The following CACHD1 variants were observed in gnomAD, a reference collection of about 807,000 sequenced individuals.
CACHD1 encodes VWFA and cache domain-containing protein 1.
CACHD1 carries 71 observed loss-of-function variants against 138.7 expected under a neutral mutation model. That is an observed-to-expected ratio of 0.51 (90% CI 0.42 to 0.62). The LOEUF (loss-of-function observed/expected upper bound fraction) is 0.62, where lower values mean the gene tolerates loss of function less well. Among genes scored for constraint, CACHD1 ranks in the 20% least tolerant of loss-of-function variants. CACHD1 has a pLI of 0.00. For missense variants in CACHD1, 1,389 were observed against 1,625.3 expected, an observed-to-expected ratio of 0.85 and a Z score of 2.50; for synonymous variants, 578 against 591.5, an observed-to-expected ratio of 0.98 and a Z score of 0.33.
intron 2 of CACHD1, among the ~76,000 whole-genome samples, chr1:64,570,169 A>G (rs1230136996): frequency 6.6e-6 from 1 of 152,184 alleles, no homozygotes; most frequent in Non-Finnish European, 1.5e-5. Context: ...CATCCCTAAC[A>G]TATCCCATGG....
chr1:64,615,831 A>G (rs1408314868), intron 4 of CACHD1, among the ~76,000 whole-genome samples: 1 of 152,152 alleles, frequency 6.6e-6, no homozygotes, highest in Non-Finnish European at 1.5e-5. Context: ...ACCATCTATG[A>G]TGAGCCCAGA....
intron 2 of CACHD1, 112 bp from the exon 3 acceptor site, chr1:64,582,044 C>T: frequency 8.0e-7 from 1 of 1,249,882 alleles, no homozygotes; most frequent in Non-Finnish European, 1.1e-6. Flanking sequence ...GTTTGTTTTA[C>T]TTGAATTTTA....
At chr1:64,654,611 G>T in intron 11 of CACHD1, 75 bp from the exon 12 acceptor site, 3 of 1,078,456 alleles carry the variant, frequency 2.8e-6, no homozygotes. Context: ...TGACTCAACA[G>T]CTTCTTCCTT....
At chr1:64,660,720 G>A (rs2100696881) in intron 13 of CACHD1, among the ~76,000 whole-genome samples, 1 of 151,990 alleles carries the variant, frequency 6.6e-6, no homozygotes, top group South Asian at 2.1e-4. Flanking sequence ...TAGTAAAGAT[G>A]GAGTTTCACC....
intron 3 of CACHD1, among the ~76,000 whole-genome samples, chr1:64,591,205 C>T (rs938324044): frequency 5.3e-5 from 8 of 152,134 alleles, no homozygotes; most frequent in African/African-American, 1.9e-4. Context: ...CTCACTCATC[C>T]ATTCGTTTGA....
intron 11 of CACHD1, 30 bp downstream of exon 11, chr1:64,653,911 T>C (rs1296730878): frequency 6.2e-7 from 1 of 1,603,590 alleles, no homozygotes; most frequent in Non-Finnish European, 8.5e-7. Context: ...CATAGGATTG[T>C]TTTTCCCTGA....
chr1:64,501,400 T>A (rs1646338729), intron 1 of CACHD1, among the ~76,000 whole-genome samples: 1 of 152,236 alleles, frequency 6.6e-6, no homozygotes, highest in African/African-American at 2.4e-5. Context: ...TAAAACCAAC[T>A]TCACTCATCA....
Position 64,486,389 on chromosome 1 carries a change from CACAT to C in CACHD1, c.198+15451_198+15454del, listed in dbSNP as rs758530974. Among the ~76,000 whole-genome samples the C allele has an allele frequency of 3.2e-4, 47 of 145,672 alleles. 1 individual carries two copies. The Middle Eastern group carries it at 0.011, about 33-fold the overall frequency. On this transcript the variant is annotated intron_variant, in intron 1 of 26. Coordinates refer to ENST00000651257, the MANE Select transcript of CACHD1 (RefSeq NM_020925.4). ...ACACATACACACACACACACACACA[CACAT>C]ACACATACACACACACACATACACA... is the stretch of plus-strand genomic sequence containing the variant.
chr1:64,576,512 C>T (rs1445904745), intron 2 of CACHD1, among the ~76,000 whole-genome samples: 2 of 151,350 alleles, frequency 1.3e-5, no homozygotes, highest in Admixed American at 6.6e-5. Flanking sequence ...AAAAAAGACG[C>T]GATAGTGGAG....
intron 11 of CACHD1, 146 bp from the exon 12 acceptor site, chr1:64,654,540 C>T: frequency 1.6e-6 from 1 of 626,002 alleles, no homozygotes; most frequent in South Asian, 2.0e-5. Context: ...AATTGAAAAT[C>T]TCACATTATC....
rs150937981 is a variant in CACHD1, at chr1:64,636,031, A to G, written c.1006+1771A>G. ...GAGGCTGAGGCAGGAGAATTGCTTG[A>G]ACCCGGGAAGTGGAGGTTGCAGTGA... On this transcript the variant is annotated intron_variant, in intron 7 of 26. Transcript: ENST00000651257. Among the ~76,000 whole-genome samples the G allele has an allele frequency of 4.3e-3, 655 of 151,896 alleles. 2 individuals carry two copies. Among genetic ancestry groups the G allele is most frequent in the African/African-American group, 0.015 (634 of 41,436 alleles).
At chr1:64,570,978 G>A (rs554927133) in intron 2 of CACHD1, among the ~76,000 whole-genome samples, 1 of 152,044 alleles carries the variant, frequency 6.6e-6, no homozygotes, top group Non-Finnish European at 1.5e-5. Context: ...TGCCTGCATT[G>A]TAAAGACCCC....
chr1:64,487,400 T>C (rs1257545049), intron 1 of CACHD1, among the ~76,000 whole-genome samples: 1 of 152,132 alleles, frequency 6.6e-6, no homozygotes, highest in Non-Finnish European at 1.5e-5. Context: ...TACAAGAGAA[T>C]GGGATTACAT....
At chr1:64,591,875 T>G (rs901237613) in intron 3 of CACHD1, among the ~76,000 whole-genome samples, 6 of 152,186 alleles carry the variant, frequency 3.9e-5, no homozygotes, top group African/African-American at 1.2e-4. Flanking sequence ...TACTCTCTCA[T>G]CTTTCTTAGT....
chr1:64,636,384 T>C (rs1453156086), intron 7 of CACHD1, among the ~76,000 whole-genome samples: 1 of 152,190 alleles, frequency 6.6e-6, no homozygotes, highest in Non-Finnish European at 1.5e-5. Flanking sequence ...ACAATATACA[T>C]TTGTTATCTC....
chr1:64,670,153 C>T (rs1649767612), intron 16 of CACHD1, among the ~76,000 whole-genome samples: 1 of 152,200 alleles, frequency 6.6e-6, no homozygotes, highest in Non-Finnish European at 1.5e-5. Flanking sequence ...TAAAGCCCTG[C>T]TTCCACCAGC....
chr1:64,482,615 A>G (rs899942449), intron 1 of CACHD1, among the ~76,000 whole-genome samples: 1 of 152,128 alleles, frequency 6.6e-6, no homozygotes, highest in African/African-American at 2.4e-5. Context: ...AGTCTTGGCT[A>G]TTTGATCCAG....
intron 3 of CACHD1, among the ~76,000 whole-genome samples, chr1:64,582,994 A>C (rs1025136316): frequency 1.3e-5 from 2 of 152,238 alleles, no homozygotes; most frequent in Non-Finnish European, 2.9e-5. Context: ...AAATAATCTT[A>C]TACCAATTTT....
At chr1:64,612,700 AG>A (rs1470543095) in intron 4 of CACHD1, among the ~76,000 whole-genome samples, 3 of 152,184 alleles carry the variant, frequency 2.0e-5, no homozygotes, top group Non-Finnish European at 4.4e-5. Flanking sequence ...TCAAAAAAAA[AG>A]ATTCCCTTCT....
Sources: gnomAD v4.1 joint callset for allele counts (sites outside exome capture counted in the v4.1 genomes callset) on GRCh38, gnomAD v4.1.1 for gene constraint, MANE v1.5 for transcripts, NCBI Gene and HGNC (gene_info 2026-07-23, HGNC 2026-07-21) for gene names.